The following CDH9 variants were observed in gnomAD, a reference collection of about 807,000 sequenced individuals.
The protein encoded by CDH9 is cadherin 9.
A neutral mutation model predicts 70.9 loss-of-function variants in CDH9; 28 were observed. The ratio of observed to expected loss-of-function variants is 0.40; its 90% CI spans 0.29 to 0.54. The LOEUF (loss-of-function observed/expected upper bound fraction) is 0.54, where lower values mean the gene tolerates loss of function less well. Among genes scored for constraint, CDH9 ranks in the 20% least tolerant of loss-of-function variants. The probability of loss-of-function intolerance (pLI) is 0.59; values close to 1 mark genes in which losing one functional copy is unlikely to be tolerated. For synonymous variants in CDH9, 409 were observed against 343.1 expected (o/e 1.19, Z -2.12); for missense variants, 874 against 984.4 (o/e 0.89, Z 1.50).
At chr5:27,000,599 G>A (rs1579505096) in intron 1 of CDH9, among the ~76,000 whole-genome samples, 1 of 152,100 alleles carries the variant, frequency 6.6e-6, no homozygotes, top group South Asian at 2.1e-4. Flanking sequence ...CACATAACAT[G>A]GGAATCACAC....
At chr5:26,958,405 C>T (rs1249419937) in intron 2 of CDH9, among the ~76,000 whole-genome samples, 1 of 152,132 alleles carries the variant, frequency 6.6e-6, no homozygotes, top group Non-Finnish European at 1.5e-5. Context: ...TTTAACTAAA[C>T]GATGACCTCC....
At chr5:26,956,522 G>T (rs1331736831) in intron 2 of CDH9, among the ~76,000 whole-genome samples, 1 of 151,956 alleles carries the variant, frequency 6.6e-6, no homozygotes, top group Non-Finnish European at 1.5e-5. Flanking sequence ...CACTTTTCTT[G>T]GGTCAAATAT....
At chr5:27,018,384 T>C (rs1458819197) in intron 1 of CDH9, among the ~76,000 whole-genome samples, 1 of 151,728 alleles carries the variant, frequency 6.6e-6, no homozygotes, top group African/African-American at 2.4e-5. Flanking sequence ...GATAAAAATA[T>C]CAAATATTTC....
At chr5:27,020,350 CT>C (rs1561043167) in intron 1 of CDH9, among the ~76,000 whole-genome samples, 1 of 151,382 alleles carries the variant, frequency 6.6e-6, no homozygotes, top group Non-Finnish European at 1.5e-5. Flanking sequence ...TACTTAACTT[CT>C]TTTTTTCTGG....
chr5:26,885,851 T>C lies in CDH9; in HGVS notation c.1645A>G (p.Ile549Val). The C allele has an allele frequency of 6.2e-7, 1 of 1,613,988 alleles. No homozygotes were observed. Among genetic ancestry groups the C allele is most frequent in the East Asian group, 2.2e-5 (1 of 44,876 alleles). ...IVDNKDNTAG[I>V]MTRKDGYSRN... is the part of the protein sequence containing the mutation. Reference sequence around the variant, plus strand: ...CTGTAGCCATCTTTCCGAGTCATGATTCCTGCTGTATTATCTGGGGGAGAA... The same window carrying C: ...CTGTAGCCATCTTTCCGAGTCATGACTCCTGCTGTATTATCTGGGGGAGAA... Residue 549 changes from isoleucine (I) to valine (V), a missense_variant, in exon 11 of 12, where the codon ATC becomes GTC. Coordinates refer to ENST00000231021, the MANE Select transcript of CDH9 (RefSeq NM_016279.4).
At chr5:27,014,637 T>C (rs940032112) in intron 1 of CDH9, among the ~76,000 whole-genome samples, 2 of 151,948 alleles carry the variant, frequency 1.3e-5, no homozygotes, top group Non-Finnish European at 2.9e-5. Flanking sequence ...ATCATACTTA[T>C]ATACCAGATA....
At chr5:26,885,260 T>C (rs12652340) in intron 11 of CDH9, among the ~76,000 whole-genome samples, 49,334 of 152,010 alleles carry the variant, frequency 0.32, 8,563 homozygotes, top group Middle Eastern at 0.52. Context: ...AGCCTTTCTC[T>C]AGAAGAAAAG....
intron 1 of CDH9, among the ~76,000 whole-genome samples, chr5:26,994,783 C>T (rs1006080639): frequency 3.3e-5 from 5 of 152,094 alleles, no homozygotes; most frequent in African/African-American, 1.2e-4. Context: ...AGTGATATTG[C>T]TCCATATGTG....
At chr5:26,897,864 G>C (rs1740781092) in intron 7 of CDH9, among the ~76,000 whole-genome samples, 1 of 152,146 alleles carries the variant, frequency 6.6e-6, no homozygotes. Context: ...ATTCAAGTAG[G>C]AAGAGAGGAA....
chr5:26,996,865 T>A (rs1742675378), intron 1 of CDH9, among the ~76,000 whole-genome samples: 1 of 151,974 alleles, frequency 6.6e-6, no homozygotes, highest in Non-Finnish European at 1.5e-5. Flanking sequence ...TTTGGTATAC[T>A]ATCTTTATCC....
intron 11 of CDH9, among the ~76,000 whole-genome samples, chr5:26,883,675 T>C (rs905601318): frequency 6.6e-5 from 10 of 152,096 alleles, no homozygotes; most frequent in African/African-American, 9.7e-5. Context: ...GTTTTCTTTG[T>C]GTTTTTTGTT....
intron 1 of CDH9, among the ~76,000 whole-genome samples, chr5:27,010,032 T>C (rs1742930751): frequency 1.3e-5 from 2 of 152,166 alleles, no homozygotes; most frequent in South Asian, 2.1e-4. Flanking sequence ...TAATCTTCCT[T>C]ATATAATCAT....
At chr5:26,884,799 G>C (rs1180885820) in intron 11 of CDH9, among the ~76,000 whole-genome samples, 1 of 152,028 alleles carries the variant, frequency 6.6e-6, no homozygotes, top group African/African-American at 2.4e-5. Context: ...CTGAATATTT[G>C]ATAGAAACAA....
chr5:27,035,701 T>G (rs529050120), intron 1 of CDH9, among the ~76,000 whole-genome samples: 37 of 121,504 alleles, frequency 3.0e-4, no homozygotes, highest in African/African-American at 9.9e-4. Context: ...TGTGTGTGTG[T>G]GTGTGTGTGG....
chr5:26,981,689 T>C (rs1225569888), intron 2 of CDH9, among the ~76,000 whole-genome samples: 2 of 152,166 alleles, frequency 1.3e-5, no homozygotes, highest in South Asian at 2.1e-4. Context: ...TGACATAATA[T>C]GACATGGCTA....
intron 9 of CDH9, among the ~76,000 whole-genome samples, chr5:26,886,979 G>T (rs927589358): frequency 2.0e-5 from 3 of 152,126 alleles, no homozygotes; most frequent in Non-Finnish European, 4.4e-5. Context: ...CTAACATTGT[G>T]TGGTGAAAAG....
At chr5:26,928,923 T>C (rs1741392640) in intron 2 of CDH9, among the ~76,000 whole-genome samples, 1 of 152,026 alleles carries the variant, frequency 6.6e-6, no homozygotes, top group South Asian at 2.1e-4. Flanking sequence ...CTCCAGGATA[T>C]TGGTTTGGGC....
At chr5:26,926,147 A>G (rs1741334502) in intron 2 of CDH9, among the ~76,000 whole-genome samples, 1 of 152,178 alleles carries the variant, frequency 6.6e-6, no homozygotes, top group African/African-American at 2.4e-5. Context: ...AGAGGAAGTC[A>G]AATTGTCCCT....
chr5:27,024,278 T>G (rs1743185872), intron 1 of CDH9, among the ~76,000 whole-genome samples: 1 of 152,058 alleles, frequency 6.6e-6, no homozygotes, highest in Non-Finnish European at 1.5e-5. Flanking sequence ...AATTTTTAAC[T>G]ATTTTTCAAT....
Sources: allele counts gnomAD v4.1 joint callset (sites outside exome capture counted in the v4.1 genomes callset), GRCh38; gene constraint gnomAD v4.1.1; transcripts MANE v1.5; gene names NCBI Gene and HGNC (gene_info 2026-07-23, HGNC 2026-07-21).